The following ZBTB20 variants were observed in gnomAD, a reference collection of about 807,000 sequenced individuals.
ZBTB20 encodes zinc finger and BTB domain containing 20.
ZBTB20 carries 9 observed loss-of-function variants against 56.9 expected under a neutral mutation model. The ratio of observed to expected loss-of-function variants is 0.16; its 90% confidence interval spans 0.10 to 0.28. The LOEUF is 0.28. Among genes scored for constraint, ZBTB20 ranks in the 10% least tolerant of loss-of-function variants. ZBTB20 has a pLI of 1.00. For synonymous variants in ZBTB20, 417 were observed against 420.7 expected, an observed-to-expected ratio of 0.99 and a Z score of 0.11; for missense variants, 655 against 1,003.0, an observed-to-expected ratio of 0.65 and a Z score of 4.69.
In ZBTB20 at chr3:114,947,799, A is replaced by C. The variant is rs565817400; in HGVS notation, c.-456+26567T>G. On this transcript the variant is annotated intron_variant, in intron 3 of 11. Transcript: ENST00000675478. ...TTACAATTGTACACCATAATTTTAC[A>C]CAAATAAAAGATAAAATAAAAAAGT... 5.5e-5 allele frequency among the ~76,000 whole-genome samples: 8 copies of C among 146,176 alleles called. No homozygotes were observed. The East Asian group carries it at 1.5e-3, about 28-fold the overall frequency.
At chr3:114,689,245 CAATAAAGTTTATTCAGAAAATA>C (rs1387958732) in intron 6 of ZBTB20, among the ~76,000 whole-genome samples, 1 of 152,048 alleles carries the variant, frequency 6.6e-6, no homozygotes, top group Non-Finnish European at 1.5e-5. Context: ...GTTATGCATC[CAATAAAGTTTATTCAGAAAATA>C]TGTCAGCTTC....
intron 5 of ZBTB20, among the ~76,000 whole-genome samples, chr3:114,727,499 C>A (rs2065394187): frequency 6.6e-6 from 1 of 152,222 alleles, no homozygotes; most frequent in Non-Finnish European, 1.5e-5. Flanking sequence ...AGCATCTCCA[C>A]CTTCTGCTTC....
intron 4 of ZBTB20, among the ~76,000 whole-genome samples, chr3:114,876,675 GGA>G (rs1343547387): frequency 2.0e-5 from 3 of 152,042 alleles, no homozygotes; most frequent in Non-Finnish European, 4.4e-5. Context: ...TCACAAGAGA[GGA>G]GAAGAAAATC....
intron 5 of ZBTB20, among the ~76,000 whole-genome samples, chr3:114,762,998 A>G (rs964785965): frequency 2.0e-5 from 3 of 152,182 alleles, no homozygotes; most frequent in African/African-American, 4.8e-5. Flanking sequence ...AATTTCACAT[A>G]CATTCTAATT....
At position 114,320,443 on chromosome 3, in the gene ZBTB20, A is replaced by T. The variant is rs2078853575; in HGVS notation, c.*18562T>A. On this transcript the variant is annotated 3_prime_UTR_variant, in exon 12 of 12. Transcript: ENST00000675478. ...TAGCATGATGTGCAACCTCAATTAT[A>T]TCAAAGAAAACAAATAGACAAACAA... 6.6e-6 allele frequency: 1 copy of T among 152,228 alleles called. No individual in the cohort carries two copies. The highest frequency in any genetic ancestry group is 1.5e-5 in the Non-Finnish European group (1 of 68,026). The allele number at this position is 152,228 out of a possible 1,614,324, so 9.4% of individuals were successfully genotyped here.
chr3:114,763,016 TTA>T (rs2068544028), intron 5 of ZBTB20, among the ~76,000 whole-genome samples: 1 of 152,304 alleles, frequency 6.6e-6, no homozygotes, highest in East Asian at 1.9e-4. Context: ...ATTCCTAAAC[TTA>T]TATATTTTCA....
chr3:115,130,764 TTTTG>T (rs1469982899), intron 1 of ZBTB20, among the ~76,000 whole-genome samples: 4 of 152,172 alleles, frequency 2.6e-5, no homozygotes, highest in Admixed American at 6.5e-5. Context: ...TAATTTCTTT[TTTTG>T]TTTGTTTTTT....
intron 6 of ZBTB20, among the ~76,000 whole-genome samples, chr3:114,601,590 T>C (rs910058624): frequency 6.6e-6 from 1 of 151,968 alleles, no homozygotes; most frequent in Non-Finnish European, 1.5e-5. Context: ...AGATGATTAA[T>C]AGATAGCTAA....
chr3:115,000,543 C>A (rs915273484), intron 2 of ZBTB20, among the ~76,000 whole-genome samples: 5 of 151,500 alleles, frequency 3.3e-5, no homozygotes, highest in African/African-American at 7.3e-5. Flanking sequence ...CCTAGAAACA[C>A]TTAACAGATT....
chr3:114,906,051 T>C (rs1056358732), intron 3 of ZBTB20, among the ~76,000 whole-genome samples: 4 of 151,846 alleles, frequency 2.6e-5, no homozygotes, highest in African/African-American at 9.7e-5. Flanking sequence ...CTTATGTGTT[T>C]ATTATCTCTT....
At position 114,495,760 on chromosome 3, in the gene ZBTB20, G is replaced by A. The variant is rs79713385; in HGVS notation, c.-255+4592C>T. Among the ~76,000 whole-genome samples the A allele has an allele frequency of 2.9e-3, 441 of 152,190 alleles. 1 individual carries two copies. Among genetic ancestry groups the A allele is most frequent in the African/African-American group, 0.01 (427 of 41,514 alleles). ...ATGAGGAGGAAGGGTCCTGAAAATG[G>A]TGTCTGAGCAATGAAAGACAGTGAA... On this transcript the variant is annotated intron_variant, in intron 7 of 11. Transcript: ENST00000675478.
intron 6 of ZBTB20, among the ~76,000 whole-genome samples, chr3:114,566,350 A>G (rs1047917486): frequency 1.2e-4 from 18 of 152,162 alleles, no homozygotes; most frequent in African/African-American, 4.1e-4. Context: ...AACATCACAG[A>G]CCAAGGCAAG....
intron 2 of ZBTB20, among the ~76,000 whole-genome samples, chr3:114,999,172 G>T (rs2079148073): frequency 6.9e-6 from 1 of 144,996 alleles, no homozygotes; most frequent in South Asian, 2.2e-4. Context: ...GGGAAAGGGA[G>T]AGGGAAAGGA....
At chr3:114,889,674 A>T (rs1259496335) in intron 4 of ZBTB20, among the ~76,000 whole-genome samples, 1 of 152,142 alleles carries the variant, frequency 6.6e-6, no homozygotes, top group Non-Finnish European at 1.5e-5. Flanking sequence ...AATATTAAGC[A>T]GTTATATTAC....
chr3:115,009,865 C>T (rs949412701), intron 2 of ZBTB20, among the ~76,000 whole-genome samples: 1 of 151,864 alleles, frequency 6.6e-6, no homozygotes, highest in African/African-American at 2.4e-5. Context: ...TTCACAGCCT[C>T]GAGAACAGTG....
At chr3:114,760,760 A>G (rs1304236621) in intron 5 of ZBTB20, among the ~76,000 whole-genome samples, 1 of 152,200 alleles carries the variant, frequency 6.6e-6, no homozygotes, top group Non-Finnish European at 1.5e-5. Flanking sequence ...AACATGAAAC[A>G]TGCTTGACAC....
At chr3:114,603,512 T>C (rs1313724672) in intron 6 of ZBTB20, among the ~76,000 whole-genome samples, 1 of 151,966 alleles carries the variant, frequency 6.6e-6, no homozygotes, top group Non-Finnish European at 1.5e-5. Flanking sequence ...GAAAGGACTT[T>C]TTACCTATAA....
At chr3:114,819,511 T>C (rs2073125246) in intron 4 of ZBTB20, among the ~76,000 whole-genome samples, 1 of 151,834 alleles carries the variant, frequency 6.6e-6, no homozygotes, top group Admixed American at 6.6e-5. Context: ...AGTCCAGAAA[T>C]AGATCCTAAT....
intron 7 of ZBTB20, among the ~76,000 whole-genome samples, chr3:114,422,030 T>C (rs2089223800): frequency 6.6e-6 from 1 of 152,162 alleles, no homozygotes; most frequent in Non-Finnish European, 1.5e-5. Context: ...TCCATGACTT[T>C]CTTTTATAGC....
Sources: gnomAD v4.1 joint callset for allele counts (sites outside exome capture counted in the v4.1 genomes callset) on GRCh38, gnomAD v4.1.1 for gene constraint, MANE v1.5 for transcripts, NCBI Gene and HGNC (gene_info 2026-07-23, HGNC 2026-07-21) for gene names.